ARMH3: variants seen among roughly 807,000 people sequenced by gnomAD.
ARMH3 encodes the protein armadillo-like helical domain-containing protein 3.
ARMH3 carries 60 observed loss-of-function variants against 99.1 expected under a neutral mutation model. The ratio of observed to expected loss-of-function variants is 0.61; its 90% CI spans 0.49 to 0.75. The LOEUF (loss-of-function observed/expected upper bound fraction) is 0.75, where lower values mean the gene tolerates loss of function less well. Among genes scored for constraint, ARMH3 ranks in the 30% least tolerant of loss-of-function variants. The pLI is 0.00. For missense variants in ARMH3, 679 were observed against 843.1 expected (o/e 0.81, Z 2.41); for synonymous variants, 285 against 292.8 (o/e 0.97, Z 0.27).
At chr10:101,965,528 C>T (rs1434345698) in intron 20 of ARMH3, among the ~76,000 whole-genome samples, 1 of 152,204 alleles carries the variant, frequency 6.6e-6, no homozygotes. Context: ...GCACTAAATA[C>T]CAACACTATC....
chr10:102,049,815 C>T (rs988116121), intron 1 of ARMH3, among the ~76,000 whole-genome samples: 1 of 151,946 alleles, frequency 6.6e-6, no homozygotes, highest in African/African-American at 2.4e-5. Flanking sequence ...CCTAGGCCCC[C>T]CAAAGTGCTA....
At chr10:101,919,441 T>C (rs1843217159) in intron 23 of ARMH3, among the ~76,000 whole-genome samples, 1 of 152,134 alleles carries the variant, frequency 6.6e-6, no homozygotes, top group Non-Finnish European at 1.5e-5. Context: ...CAGCCCTTTC[T>C]TTGCCAACGA....
rs79646118 is a variant in ARMH3 at position 101,967,348 on chromosome 10, A to G, written c.1495+7864T>C. Among the ~76,000 whole-genome samples, 1,415 of 152,290 alleles carry G rather than the reference A, an allele frequency of 9.3e-3. 16 individuals carry two copies. Among genetic ancestry groups the G allele is most frequent in the African/African-American group, 0.03 (1,230 of 41,566 alleles). Reference sequence around the variant, plus strand: ...CCAGCATCTCTGGACAAAATCACCAATTACCCAGGGACATTGCCAGCAATC... The same window carrying G: ...CCAGCATCTCTGGACAAAATCACCAGTTACCCAGGGACATTGCCAGCAATC... On this transcript the variant is annotated intron_variant, in intron 20 of 25. Transcript: ENST00000370033.
intron 8 of ARMH3, among the ~76,000 whole-genome samples, chr10:102,016,272 T>G (rs1250598177): frequency 6.6e-6 from 1 of 152,244 alleles, no homozygotes; most frequent in Non-Finnish European, 1.5e-5. Flanking sequence ...AATGAGCACT[T>G]CCTTTGAGTG....
At chr10:101,893,834 A>G (rs1335139049) in intron 23 of ARMH3, among the ~76,000 whole-genome samples, 1 of 152,150 alleles carries the variant, frequency 6.6e-6, no homozygotes, top group African/African-American at 2.4e-5. Flanking sequence ...TCACCATTAC[A>G]CTTATCAGGT....
chr10:101,912,359 C>A (rs1391868650), intron 23 of ARMH3, among the ~76,000 whole-genome samples: 2 of 135,988 alleles, frequency 1.5e-5, no homozygotes, highest in African/African-American at 5.7e-5. Context: ...TGCCACTGCA[C>A]TCCAGCCTGG....
chr10:101,925,493 T>C (rs529577586), intron 23 of ARMH3, among the ~76,000 whole-genome samples: 1 of 152,370 alleles, frequency 6.6e-6, no homozygotes, highest in South Asian at 2.1e-4. Flanking sequence ...GTTACTCCTT[T>C]GAAGAAGTTA....
rs1056434766 is a variant in ARMH3 at position 102,042,936 on chromosome 10, A to G, written c.-11-2811T>C. ...AAAAATACAAAATTAGCCAGGCATG[A>G]TGGCTCATGCCTGTAATCCCAGCCA... On this transcript the variant is annotated intron_variant, in intron 1 of 25. Transcript: ENST00000370033. Among the ~76,000 whole-genome samples the G allele has an allele frequency of 5.3e-5, 8 of 152,236 alleles. 2 individuals carry two copies. Among genetic ancestry groups the G allele is most frequent in the Admixed American group, 5.2e-4 (8 of 15,298 alleles).
chr10:102,023,445 G>C (rs772360564), intron 8 of ARMH3, 32 bp downstream of exon 8: 24 of 1,579,722 alleles, frequency 1.5e-5, no homozygotes, highest in Non-Finnish European at 2.1e-5. Flanking sequence ...ATTATAGGCA[G>C]ATAACAACTG....
chr10:102,013,274 A>G (rs2066672428), intron 9 of ARMH3, among the ~76,000 whole-genome samples: 1 of 152,236 alleles, frequency 6.6e-6, no homozygotes, highest in South Asian at 2.1e-4. Flanking sequence ...AGGTGCACAT[A>G]GATAAGCCAC....
intron 23 of ARMH3, among the ~76,000 whole-genome samples, chr10:101,933,623 C>T (rs998541429): frequency 1.3e-5 from 2 of 152,106 alleles, no homozygotes; most frequent in Admixed American, 1.3e-4. Context: ...ATTATACCAG[C>T]TTCATTTTGG....
intron 8 of ARMH3, among the ~76,000 whole-genome samples, chr10:102,021,705 G>A (rs1444657489): frequency 2.6e-5 from 4 of 151,950 alleles, no homozygotes; most frequent in Non-Finnish European, 4.4e-5. Context: ...CCGCCACTAC[G>A]CCCGGCTAAT....
chr10:101,944,263 TATATATATATAGAGAGAGAGAGAGAGAG>T (rs1275678706), intron 22 of ARMH3, among the ~76,000 whole-genome samples: 2,171 of 63,436 alleles, frequency 0.034, 18 homozygotes, highest in Middle Eastern at 0.065. Context: ...TATATATATA[TATATATATATAGAGAGAGAGAGAGAGAG>T]AGAGAGAGAG....
chr10:102,054,051 CATA>C (rs1447593243), intron 1 of ARMH3, among the ~76,000 whole-genome samples: 1 of 152,154 alleles, frequency 6.6e-6, no homozygotes, highest in African/African-American at 2.4e-5. Flanking sequence ...TTCCAAATTT[CATA>C]ATGACTGCTT....
At chr10:101,971,208 G>T (rs918650600) in intron 20 of ARMH3, among the ~76,000 whole-genome samples, 2 of 151,982 alleles carry the variant, frequency 1.3e-5, no homozygotes, top group Non-Finnish European at 2.9e-5. Context: ...GAACAAAATG[G>T]TCTATAGCCT....
intron 20 of ARMH3, among the ~76,000 whole-genome samples, chr10:101,963,206 G>T (rs558249394): frequency 6.7e-6 from 1 of 149,776 alleles, no homozygotes; most frequent in Non-Finnish European, 1.5e-5. Context: ...GCAGTGGCAC[G>T]ATCATGGCTC....
chr10:102,012,864 C>A lies in ARMH3; in HGVS notation c.739G>T (p.Val247Leu), dbSNP rs759172972. The A allele has an allele frequency of 6.2e-7, 1 of 1,610,278 alleles. No homozygotes were observed. Among genetic ancestry groups the A allele is most frequent in the Middle Eastern group, 1.7e-4 (1 of 6,050 alleles). Residue 247 changes from valine to leucine, a missense_variant, in exon 10 of 26, where the codon GTA becomes TTA. Coordinates refer to ENST00000370033, the MANE Select transcript of ARMH3 (RefSeq NM_024541.3). ...DEATLNGMGL[V>L]IAQALSEYNR... Reference sequence around the variant, plus strand: ...TACTCAGATAAAGCCTGAGCAATTACAAGTCCCATTCCCTAGAAGGGAAAA... The same window carrying A: ...TACTCAGATAAAGCCTGAGCAATTAAAAGTCCCATTCCCTAGAAGGGAAAA...
At chr10:101,899,159 T>G (rs73342853) in intron 23 of ARMH3, among the ~76,000 whole-genome samples, 2,955 of 152,272 alleles carry the variant, frequency 0.019, 97 homozygotes, top group African/African-American at 0.067. Flanking sequence ...TCCAAAACTT[T>G]CCTCTCTGTT....
intron 1 of ARMH3, among the ~76,000 whole-genome samples, chr10:102,042,907 T>C (rs1394181276): frequency 6.6e-6 from 1 of 152,178 alleles, no homozygotes; most frequent in Admixed American, 6.5e-5. Context: ...ACCCCGTCTC[T>C]ACTAAAAATA....
Sources: allele counts gnomAD v4.1 joint callset (sites outside exome capture counted in the v4.1 genomes callset), GRCh38; gene constraint gnomAD v4.1.1; transcripts MANE v1.5; gene names NCBI Gene and HGNC (gene_info 2026-07-23, HGNC 2026-07-21).